Variants in PPARGC1B observed in about 807,000 individuals in gnomAD.
PPARGC1B encodes PPARG coactivator 1 beta.
In PPARGC1B, 34 loss-of-function variants were observed where a neutral mutation model predicts 101.6. The observed-to-expected ratio is 0.33, with a 90% CI of 0.25 to 0.45. The LOEUF (loss-of-function observed/expected upper bound fraction) is 0.45, where lower values mean the gene tolerates loss of function less well. PPARGC1B is among the 20% of genes least tolerant of loss of function. PPARGC1B has a pLI of 1.00. For missense variants in PPARGC1B, 1,234 were observed against 1,317.6 expected (o/e 0.94, Z 0.98); for synonymous variants, 548 against 539.3 (o/e 1.02, Z -0.22).
chr5:149,798,753 T>G lies in PPARGC1B; in HGVS notation c.79-21680T>G, dbSNP rs111894526. ...CTTAGCTGAGTGATTTTGAGCACAT[T>G]GCTTACCATCCCTGGGACTCAGTTT... is the stretch of plus-strand genomic sequence containing the variant. On this transcript the variant is annotated intron_variant, in intron 1 of 11. Coordinates refer to ENST00000309241, the MANE Select transcript of PPARGC1B (RefSeq NM_133263.4). Among the ~76,000 whole-genome samples the G allele has an allele frequency of 2.3e-3, 353 of 152,308 alleles. 1 individual carries two copies. The highest frequency in any genetic ancestry group is 8.3e-3 in the African/African-American group (346 of 41,560).
intron 1 of PPARGC1B, among the ~76,000 whole-genome samples, chr5:149,799,564 G>A (rs1288700957): frequency 6.6e-6 from 1 of 152,158 alleles, no homozygotes. Context: ...GTGCACTGGG[G>A]ACACAGGCTC....
At chr5:149,765,294 A>G (rs1300356855) in intron 1 of PPARGC1B, among the ~76,000 whole-genome samples, 1 of 152,142 alleles carries the variant, frequency 6.6e-6, no homozygotes, top group East Asian at 1.9e-4. Context: ...TCTTTTCTCT[A>G]TACTGCCCCA....
intron 2 of PPARGC1B, among the ~76,000 whole-genome samples, chr5:149,824,816 C>A (rs1169509463): frequency 6.6e-6 from 1 of 152,188 alleles, no homozygotes; most frequent in Non-Finnish European, 1.5e-5. Context: ...GGGCCTGGGT[C>A]AGGCCCAACC....
intron 1 of PPARGC1B, among the ~76,000 whole-genome samples, chr5:149,777,996 C>T (rs1428726040): frequency 1.4e-5 from 1 of 73,324 alleles, no homozygotes; most frequent in Non-Finnish European, 2.9e-5. Context: ...TGTAGCAGTG[C>T]CCCCCTTCCC....
intron 1 of PPARGC1B, among the ~76,000 whole-genome samples, chr5:149,776,621 G>A (rs1756369967): frequency 6.6e-6 from 1 of 152,168 alleles, no homozygotes; most frequent in Admixed American, 6.5e-5. Context: ...AGAGTTGGGT[G>A]GGTCGTTGGT....
chr5:149,845,515 C>G, intron 10 of PPARGC1B: 1 of 520,668 alleles, frequency 1.9e-6, no homozygotes, highest in Non-Finnish European at 3.4e-6. Flanking sequence ...CTCACAGGCT[C>G]ATCTGAGGAG....
chr5:149,781,060 C>CCATA (rs1202909480), intron 1 of PPARGC1B, among the ~76,000 whole-genome samples: 1 of 152,164 alleles, frequency 6.6e-6, no homozygotes, highest in Non-Finnish European at 1.5e-5. Flanking sequence ...CAGAAATTAG[C>CCATA]CAGGCATGGT....
chr5:149,781,301 AGGGCAGGTGCATGGTCACCTGACAGG>A (rs1756589879), intron 1 of PPARGC1B, among the ~76,000 whole-genome samples: 1 of 151,640 alleles, frequency 6.6e-6, no homozygotes, highest in Admixed American at 6.6e-5. Flanking sequence ...GAGATATGAG[AGGGCAGGTGCATGGTCACCTGACAGG>A]TTGGCTGTCC....
chr5:149,845,667 C>A, intron 10 of PPARGC1B, 93 bp from the exon 11 acceptor site: 1 of 1,337,306 alleles, frequency 7.5e-7, no homozygotes, highest in Non-Finnish European at 1.0e-6. Context: ...TATCGAATCA[C>A]TGTGGCAGTC....
At chr5:149,812,398 A>G (rs1757899073) in intron 1 of PPARGC1B, among the ~76,000 whole-genome samples, 1 of 152,116 alleles carries the variant, frequency 6.6e-6, no homozygotes, top group Non-Finnish European at 1.5e-5. Context: ...TCTTTAGGTG[A>G]TTTGTATTAA....
chr5:149,810,257 C>T (rs1757802850), intron 1 of PPARGC1B, among the ~76,000 whole-genome samples: 1 of 152,242 alleles, frequency 6.6e-6, no homozygotes, highest in Admixed American at 6.5e-5. Context: ...GTATATTACC[C>T]TGCCTTAAAA....
chr5:149,741,189 A>T (rs766995075), intron 1 of PPARGC1B, among the ~76,000 whole-genome samples: 38 of 152,256 alleles, frequency 2.5e-4, no homozygotes, highest in Non-Finnish European at 5.0e-4. Flanking sequence ...GCCTGGCAGA[A>T]CATAGTCATT....
chr5:149,821,314 C>T (rs552922833), intron 2 of PPARGC1B, among the ~76,000 whole-genome samples: 13 of 152,314 alleles, frequency 8.5e-5, no homozygotes, highest in Admixed American at 6.5e-4. Flanking sequence ...TGTGCTCCAG[C>T]GCCCAGCCTC....
chr5:149,815,152 T>C (rs1581087069), intron 1 of PPARGC1B, among the ~76,000 whole-genome samples: 1 of 152,214 alleles, frequency 6.6e-6, no homozygotes, highest in African/African-American at 2.4e-5. Flanking sequence ...CTTCACCCTT[T>C]TGGGACCCTG....
intron 1 of PPARGC1B, among the ~76,000 whole-genome samples, chr5:149,776,179 AG>A (rs1347232183): frequency 4.6e-5 from 7 of 152,206 alleles, no homozygotes; most frequent in Non-Finnish European, 8.8e-5. Context: ...TAGAAAAGGC[AG>A]CAGAGTGTAG....
intron 2 of PPARGC1B, among the ~76,000 whole-genome samples, chr5:149,820,841 TGCTCTCTAGGCCTCCC>T (rs1758266355): frequency 6.6e-6 from 1 of 152,180 alleles, no homozygotes; most frequent in African/African-American, 2.4e-5. Context: ...TGAGATGAAC[TGCTCTCTAGGCCTCCC>T]GAGCAGAACC....
chr5:149,735,089 G>A (rs1754651137), intron 1 of PPARGC1B, among the ~76,000 whole-genome samples: 1 of 152,224 alleles, frequency 6.6e-6, no homozygotes, highest in Admixed American at 6.5e-5. Flanking sequence ...GGAGAAGATT[G>A]AAGCATAGCC....
At chr5:149,750,320 A>T (rs1451051332) in intron 1 of PPARGC1B, among the ~76,000 whole-genome samples, 4 of 151,804 alleles carry the variant, frequency 2.6e-5, no homozygotes, top group African/African-American at 9.7e-5. Flanking sequence ...AAGTCATTCA[A>T]AATCCTCTAC....
intron 1 of PPARGC1B, among the ~76,000 whole-genome samples, chr5:149,793,760 T>C (rs1165822681): frequency 6.6e-6 from 1 of 152,140 alleles, no homozygotes; most frequent in Non-Finnish European, 1.5e-5. Context: ...GGAAGATGTG[T>C]AAGCTGAGAC....
Sources: gnomAD v4.1 joint callset for allele counts (sites outside exome capture counted in the v4.1 genomes callset) on GRCh38, gnomAD v4.1.1 for gene constraint, MANE v1.5 for transcripts, NCBI Gene and HGNC (gene_info 2026-07-23, HGNC 2026-07-21) for gene names.